The following LPP variants were observed in gnomAD, a reference collection of about 807,000 sequenced individuals.
LPP encodes the protein LIM domain containing preferred translocation partner in lipoma.
A neutral mutation model predicts 60.4 loss-of-function variants in LPP; 38 were observed. The ratio of observed to expected loss-of-function variants is 0.63; its 90% CI spans 0.49 to 0.83. The LOEUF is 0.83. Among genes scored for constraint, LPP ranks in the 40% least tolerant of loss-of-function variants. The pLI is 0.00. For synonymous variants in LPP, 328 were observed against 290.8 expected, an observed-to-expected ratio of 1.13 and a Z score of -1.30; for missense variants, 902 against 783.6, an observed-to-expected ratio of 1.15 and a Z score of -1.80.
chr3:188,291,986 C>A (rs1194979076), intron 2 of LPP, among the ~76,000 whole-genome samples: 1 of 152,090 alleles, frequency 6.6e-6, no homozygotes, highest in Non-Finnish European at 1.5e-5. Context: ...CTTAAAAATG[C>A]CCATTTTAAT....
At chr3:188,219,018 C>T (rs1714766612) in intron 1 of LPP, among the ~76,000 whole-genome samples, 1 of 139,464 alleles carries the variant, frequency 7.2e-6, no homozygotes, top group Non-Finnish European at 1.5e-5. Flanking sequence ...ATCACTTTAC[C>T]AGGAAGATGG....
At chr3:188,311,531 A>ACT (rs1753432603) in intron 2 of LPP, among the ~76,000 whole-genome samples, 1 of 151,872 alleles carries the variant, frequency 6.6e-6, no homozygotes, top group African/African-American at 2.4e-5. Context: ...ACTAAACTAA[A>ACT]AGTAAGATAA....
At chr3:188,417,828 C>T (rs536527460) in intron 4 of LPP, among the ~76,000 whole-genome samples, 1 of 152,332 alleles carries the variant, frequency 6.6e-6, no homozygotes, top group East Asian at 1.9e-4. Context: ...CTCTTTAAAT[C>T]TCCTGAAATA....
intron 2 of LPP, among the ~76,000 whole-genome samples, chr3:188,332,342 G>A (rs10470533): frequency 2.0e-5 from 3 of 152,110 alleles, no homozygotes; most frequent in Non-Finnish European, 2.9e-5. Context: ...TTAACTCCTC[G>A]CTAAATGCTT....
intron 8 of LPP, among the ~76,000 whole-genome samples, chr3:188,718,688 G>A (rs1392520085): frequency 1.3e-5 from 2 of 152,142 alleles, no homozygotes; most frequent in Admixed American, 1.3e-4. Context: ...TGGCACATCG[G>A]AGATATTTAA....
Position 188,791,195 on chromosome 3 carries a change from C to A in LPP, c.1410+30913C>A, listed in dbSNP as rs577738020. Among the ~76,000 whole-genome samples, 70 of 152,164 alleles carry A rather than the reference C, an allele frequency of 4.6e-4. 1 individual carries two copies. The highest frequency in any genetic ancestry group is 9.0e-4 in the Non-Finnish European group (61 of 68,038). On this transcript the variant is annotated intron_variant, in intron 9 of 11. Transcript: ENST00000617246. Reference sequence around the variant, plus strand: ...GCATGGTCATTCTGCAGATCAAGGTCCTGCTCTGGGAGAAATGGGTGCACA... The same window carrying A: ...GCATGGTCATTCTGCAGATCAAGGTACTGCTCTGGGAGAAATGGGTGCACA...
intron 6 of LPP, among the ~76,000 whole-genome samples, chr3:188,538,286 T>C (rs961873355): frequency 1.3e-5 from 2 of 152,322 alleles, no homozygotes; most frequent in South Asian, 4.1e-4. Flanking sequence ...CCGTGGAATT[T>C]GCAAATCATG....
At chr3:188,490,751 ATT>A (rs58700818) in intron 5 of LPP, among the ~76,000 whole-genome samples, 10 of 91,732 alleles carry the variant, frequency 1.1e-4, no homozygotes, top group East Asian at 3.0e-4. Context: ...TGGCACTGGA[ATT>A]TTTTTTTTTT....
chr3:188,440,936 T>C (rs1228275585), intron 4 of LPP, among the ~76,000 whole-genome samples: 2 of 122,668 alleles, frequency 1.6e-5, no homozygotes, highest in Non-Finnish European at 3.4e-5. Context: ...CAGTGTACTC[T>C]CTCTCCCTTA....
chr3:188,832,578 A>G (rs1439407674), intron 9 of LPP, among the ~76,000 whole-genome samples: 1 of 152,196 alleles, frequency 6.6e-6, no homozygotes. Flanking sequence ...TTGTTAGCCA[A>G]CAATCAAAAC....
chr3:188,592,557 G>GTTTGTTTTTGTTTTTTTTTTTTTTT (rs1260656926), intron 6 of LPP, among the ~76,000 whole-genome samples: 1 of 85,754 alleles, frequency 1.2e-5, no homozygotes, highest in African/African-American at 4.5e-5. Context: ...TTTTGTTTTT[G>GTTTGTTTTTGTTTTTTTTTTTTTTT]TTTTTTAAAT....
At chr3:188,699,943 G>C (rs993765432) in intron 7 of LPP, among the ~76,000 whole-genome samples, 3 of 152,262 alleles carry the variant, frequency 2.0e-5, no homozygotes, top group East Asian at 1.9e-4. Context: ...TAAATAGAAG[G>C]GGGGAAAAGA....
At chr3:188,318,757 T>A (rs1755948991) in intron 2 of LPP, among the ~76,000 whole-genome samples, 1 of 100,272 alleles carries the variant, frequency 1.0e-5, no homozygotes, top group Non-Finnish European at 2.1e-5. Flanking sequence ...ATGATTCTTT[T>A]TTTTTTTTTT....
At chr3:188,542,700 G>T (rs1579800591) in intron 6 of LPP, among the ~76,000 whole-genome samples, 2 of 148,338 alleles carry the variant, frequency 1.3e-5, no homozygotes, top group African/African-American at 5.0e-5. Flanking sequence ...TTGCTGTTTT[G>T]CCTGAAATGC....
At chr3:188,680,075 AG>A (rs759967172) in intron 7 of LPP, among the ~76,000 whole-genome samples, 35 of 152,214 alleles carry the variant, frequency 2.3e-4, no homozygotes, top group Non-Finnish European at 3.5e-4. Flanking sequence ...CACTCATCAG[AG>A]GAAAAAATGT....
intron 3 of LPP, among the ~76,000 whole-genome samples, chr3:188,363,390 A>G (rs1415059403): frequency 6.6e-6 from 1 of 152,210 alleles, no homozygotes; most frequent in African/African-American, 2.4e-5. Flanking sequence ...TGCTCTCAGC[A>G]AAGAGTGAGT....
chr3:188,608,090 CA>C (rs1418669631), intron 6 of LPP, among the ~76,000 whole-genome samples: 1 of 152,044 alleles, frequency 6.6e-6, no homozygotes, highest in Non-Finnish European at 1.5e-5. Flanking sequence ...TAGATTAGAC[CA>C]AATAGATTTC....
chr3:188,401,474 C>T (rs901409000), intron 3 of LPP, among the ~76,000 whole-genome samples: 6 of 152,166 alleles, frequency 3.9e-5, no homozygotes, highest in African/African-American at 1.2e-4. Context: ...CTACCTCTGC[C>T]AAGCTTATGC....
chr3:188,851,746 T>G lies in LPP; in HGVS notation c.1411-14454T>G, dbSNP rs182096944. The stretch of plus-strand genomic sequence containing the variant: ...TCCTAGTCTTCGAAGAGTTTATAAT[T>G]AAATATAAAAATATTGTCTATGTGT... On this transcript the variant is annotated intron_variant, in intron 9 of 11. Transcript: ENST00000617246. Among the ~76,000 whole-genome samples, 10 of 152,328 alleles carry G rather than the reference T, an allele frequency of 6.6e-5. No homozygotes were observed. The East Asian group carries it at 1.3e-3, about 21-fold the overall frequency.
Sources: gnomAD v4.1 joint callset for allele counts (sites outside exome capture counted in the v4.1 genomes callset) on GRCh38, gnomAD v4.1.1 for gene constraint, MANE v1.5 for transcripts, NCBI Gene and HGNC (gene_info 2026-07-23, HGNC 2026-07-21) for gene names.